The following ZMYND11 variants were observed in gnomAD, a reference collection of about 807,000 sequenced individuals.
The protein encoded by ZMYND11 is zinc finger MYND domain-containing protein 11.
ZMYND11 carries 9 observed loss-of-function variants against 84.9 expected under a neutral mutation model. The observed-to-expected ratio is 0.11, with a 90% CI of 0.06 to 0.18. The LOEUF is 0.18. ZMYND11 is among the 10% of genes least tolerant of loss of function. The probability of loss-of-function intolerance (pLI) is 1.00; values close to 1 mark genes in which losing one functional copy is unlikely to be tolerated. For missense variants in ZMYND11, 409 were observed against 761.0 expected, an observed-to-expected ratio of 0.54 and a Z score of 5.44; for synonymous variants, 250 against 244.1, an observed-to-expected ratio of 1.02 and a Z score of -0.23.
At chr10:206,093 C>T (rs1185670319) in intron 2 of ZMYND11, among the ~76,000 whole-genome samples, 3 of 151,492 alleles carry the variant, frequency 2.0e-5, no homozygotes, top group Admixed American at 6.6e-5. Context: ...GGCGCGGTGG[C>T]TCACGCCTGT....
At chr10:161,436 G>T (rs1842929975) in intron 1 of ZMYND11, among the ~76,000 whole-genome samples, 1 of 152,166 alleles carries the variant, frequency 6.6e-6, no homozygotes, top group South Asian at 2.1e-4. Flanking sequence ...TGGTAAATGA[G>T]CATTGGCTTC....
At chr10:199,420 CTG>C (rs1189228189) in intron 2 of ZMYND11, among the ~76,000 whole-genome samples, 2 of 151,966 alleles carry the variant, frequency 1.3e-5, no homozygotes, top group East Asian at 1.9e-4. Flanking sequence ...ATTATATACA[CTG>C]TGAGCATTTT....
chr10:132,931 C>T (rs537391017), upstream of ZMYND11, among the ~76,000 whole-genome samples: 1 of 152,290 alleles, frequency 6.6e-6, no homozygotes. Context: ...AAAAATCTGT[C>T]TGTATTCAAT....
chr10:163,033 A>G (rs1843250530), intron 1 of ZMYND11, among the ~76,000 whole-genome samples: 1 of 152,194 alleles, frequency 6.6e-6, no homozygotes, highest in Non-Finnish European at 1.5e-5. Context: ...ATTTATTCAT[A>G]TTAGTAGCTT....
At chr10:131,649 C>T (rs1322500200), upstream of ZMYND11, among the ~76,000 whole-genome samples, 6 of 152,036 alleles carry the variant, frequency 3.9e-5, no homozygotes, top group African/African-American at 9.7e-5. Context: ...CTCAGCTTCT[C>T]GAGTAGCTGC....
intron 4 of ZMYND11, among the ~76,000 whole-genome samples, chr10:227,247 C>G (rs1255205716): frequency 6.6e-6 from 1 of 152,170 alleles, no homozygotes; most frequent in Non-Finnish European, 1.5e-5. Flanking sequence ...GGTTCTTCCA[C>G]GTTAGTAGGA....
At chr10:188,537 A>C (rs1014063677) in intron 2 of ZMYND11, among the ~76,000 whole-genome samples, 2 of 149,790 alleles carry the variant, frequency 1.3e-5, no homozygotes, top group Non-Finnish European at 3.0e-5. Context: ...AGTTACGGTG[A>C]GCCATGATTG....
intron 8 of ZMYND11, among the ~76,000 whole-genome samples, chr10:240,612 G>A (rs1950719926): frequency 6.6e-6 from 1 of 152,226 alleles, no homozygotes; most frequent in African/African-American, 2.4e-5. Flanking sequence ...GGAATATTCA[G>A]TCTGAAGTGC....
chr10:193,489 G>A (rs1940972301), intron 2 of ZMYND11, among the ~76,000 whole-genome samples: 1 of 152,206 alleles, frequency 6.6e-6, no homozygotes. Flanking sequence ...TCACTCAACA[G>A]TCTTCAATGA....
chr10:170,049 C>T (rs1333928684), intron 1 of ZMYND11, among the ~76,000 whole-genome samples: 1 of 152,002 alleles, frequency 6.6e-6, no homozygotes, highest in African/African-American at 2.4e-5. Context: ...AAACACTTTA[C>T]CTATAGAGGA....
rs1953744235 is a variant in ZMYND11 at position 252,705 on chromosome 10, A to G, written c.*235A>G. The G allele has an allele frequency of 5.4e-6, 2 of 373,358 alleles. No individual in the cohort carries two copies. The highest frequency in any genetic ancestry group is 9.3e-6 in the Non-Finnish European group (2 of 215,350). The allele number at this position is 373,358 out of a possible 1,614,324, so 23.1% of individuals were successfully genotyped here. A position where few individuals can be genotyped will look rare whatever the true frequency, so the allele number is the denominator to read the frequency against. On this transcript the variant is annotated 3_prime_UTR_variant, in exon 15 of 15. Transcript: ENST00000381604. The surrounding 1 kb of genome is among the most constrained non-coding windows in gnomAD (Gnocchi z 4.6). ...TATTATTTTAAATAAATTTTAATTGAGAATTTGTTGCATTTTCAGCAAATT... is the reference window on the plus strand; with the variant it reads ...TATTATTTTAAATAAATTTTAATTGGGAATTTGTTGCATTTTCAGCAAATT...
chr10:135,842 G>A lies in ZMYND11; in HGVS notation c.-20+283G>A, dbSNP rs1304858738. ...TGGGCGGCCGCGGAAGAGGCCCCGG[G>A]ATGAGGCCCCGGAGGACCGCGCGGG... On this transcript the variant is annotated intron_variant, in intron 1 of 14. Transcript: ENST00000381604. This position sits in a 1 kb window ranked among gnomAD's most constrained non-coding sequence, Gnocchi z 5.6. Among the ~76,000 whole-genome samples the A allele has an allele frequency of 6.6e-6, 1 of 150,510 alleles. No individual in the cohort carries two copies. The highest frequency in any genetic ancestry group is 1.5e-5 in the Non-Finnish European group (1 of 67,438).
intron 2 of ZMYND11, among the ~76,000 whole-genome samples, chr10:204,231 T>C (rs1408518736): frequency 6.6e-6 from 1 of 152,172 alleles, no homozygotes; most frequent in Admixed American, 6.5e-5. Context: ...CATTGATTAA[T>C]CAGTCTTTCT....
chr10:178,798 T>A (rs1847216996), intron 1 of ZMYND11, among the ~76,000 whole-genome samples: 4 of 152,200 alleles, frequency 2.6e-5, no homozygotes, highest in Admixed American at 2.0e-4. Context: ...AAAGACATCT[T>A]ATTTTAGGAG....
chr10:145,250 ATATATATATG>A (rs1838533790), intron 1 of ZMYND11, among the ~76,000 whole-genome samples: 1 of 151,140 alleles, frequency 6.6e-6, no homozygotes, highest in African/African-American at 2.4e-5. Flanking sequence ...GTGTATGTAT[ATATATATATG>A]TATATATATA....
intron 8 of ZMYND11, among the ~76,000 whole-genome samples, chr10:240,341 TAAAAATAC>T (rs1318541058): frequency 2.6e-5 from 4 of 151,988 alleles, no homozygotes; most frequent in African/African-American, 9.7e-5. Flanking sequence ...CTGTCTCTAC[TAAAAATAC>T]AAAAATTAGC....
intron 12 of ZMYND11, 93 bp downstream of exon 12, chr10:247,559 A>G (rs1952408938): frequency 2.1e-5 from 28 of 1,336,466 alleles, no homozygotes; most frequent in Non-Finnish European, 2.9e-5. Flanking sequence ...AAAGACAGTC[A>G]CTCTTGGTGG....
At position 190,692 on chromosome 10, in the gene ZMYND11, C is replaced by T. The variant is rs146698863; in HGVS notation, c.116+10564C>T. Among the ~76,000 whole-genome samples, 194 of 152,318 alleles carry T rather than the reference C, an allele frequency of 1.3e-3. 1 individual carries two copies. The highest frequency in any genetic ancestry group is 4.5e-3 in the African/African-American group (188 of 41,572). On this transcript the variant is annotated intron_variant, in intron 2 of 14. Transcript: ENST00000381604. ...TGACGTTTCTTCTTTTCATACCCAGCGTCTCCCTACTCAGTGTTCCACCTG... is the reference window on the plus strand; with the variant it reads ...TGACGTTTCTTCTTTTCATACCCAGTGTCTCCCTACTCAGTGTTCCACCTG...
chr10:219,635 C>T (rs1946781018), intron 3 of ZMYND11, among the ~76,000 whole-genome samples: 1 of 152,130 alleles, frequency 6.6e-6, no homozygotes, highest in Admixed American at 6.5e-5. Context: ...TGTTTTAATA[C>T]AGCCAAGCGC....
Sources: gnomAD v4.1 joint callset for allele counts (sites outside exome capture counted in the v4.1 genomes callset) on GRCh38, gnomAD v4.1.1 for gene constraint, Gnocchi (gnomAD v3.1) non-coding constraint, MANE v1.5 for transcripts, NCBI Gene and HGNC (gene_info 2026-07-23, HGNC 2026-07-21) for gene names.